The following TTC28 variants were observed in gnomAD, a reference collection of about 807,000 sequenced individuals.
TTC28 encodes tetratricopeptide repeat domain 28, also known as tetratricopeptide repeat protein 28.
A neutral mutation model predicts 198.0 loss-of-function variants in TTC28; 61 were observed. The observed-to-expected ratio is 0.31, with a 90% confidence interval of 0.25 to 0.38. TTC28 has a LOEUF of 0.38. TTC28 is among the 10% of genes least tolerant of loss of function. The probability of loss-of-function intolerance (pLI) is 1.00; values close to 1 mark genes in which losing one functional copy is unlikely to be tolerated. For synonymous variants in TTC28, 1,171 were observed against 1,297.8 expected (o/e 0.90, Z 2.10); for missense variants, 2,678 against 3,164.0 (o/e 0.85, Z 3.69).
At chr22:28,512,908 C>T (rs1328456906) in intron 2 of TTC28, among the ~76,000 whole-genome samples, 1 of 151,928 alleles carries the variant, frequency 6.6e-6, no homozygotes, top group South Asian at 2.1e-4. Flanking sequence ...CACGTGTACC[C>T]CTGAACTTCA....
At chr22:28,119,942 T>C (rs1942740403) in intron 6 of TTC28, among the ~76,000 whole-genome samples, 1 of 152,236 alleles carries the variant, frequency 6.6e-6, no homozygotes, top group African/African-American at 2.4e-5. Context: ...AAATCTCGTT[T>C]ACTGACTGAT....
intron 2 of TTC28, among the ~76,000 whole-genome samples, chr22:28,466,820 TACACACACAC>T (rs58512456): frequency 3.5e-5 from 5 of 143,810 alleles, no homozygotes; most frequent in South Asian, 2.3e-4. Flanking sequence ...TATACATACA[TACACACACAC>T]ACACACACAC....
At chr22:28,309,187 C>T (rs976696148) in intron 2 of TTC28, among the ~76,000 whole-genome samples, 1 of 152,096 alleles carries the variant, frequency 6.6e-6, no homozygotes, top group Non-Finnish European at 1.5e-5. Flanking sequence ...GGAAAAGAAT[C>T]TTAATAAGAA....
chr22:28,353,974 A>G (rs1217822657), intron 2 of TTC28, among the ~76,000 whole-genome samples: 1 of 152,186 alleles, frequency 6.6e-6, no homozygotes, highest in African/African-American at 2.4e-5. Flanking sequence ...CAAAACCATA[A>G]TAAGATATAG....
intron 13 of TTC28, among the ~76,000 whole-genome samples, chr22:28,020,953 C>T (rs1409758835): frequency 6.6e-6 from 1 of 152,178 alleles, no homozygotes; most frequent in Non-Finnish European, 1.5e-5. Flanking sequence ...TTCTGCGAGG[C>T]AGGCTCTCAC....
At chr22:28,345,277 T>TA (rs2045887864) in intron 2 of TTC28, among the ~76,000 whole-genome samples, 1 of 152,142 alleles carries the variant, frequency 6.6e-6, no homozygotes, top group Admixed American at 6.5e-5. Flanking sequence ...TTCTAGTTAA[T>TA]AGAACATCCA....
intron 1 of TTC28, among the ~76,000 whole-genome samples, chr22:28,645,730 TAAAC>T (rs1193454059): frequency 6.6e-6 from 1 of 150,940 alleles, no homozygotes; most frequent in African/African-American, 2.4e-5. Flanking sequence ...ACTCATGACA[TAAAC>T]AAAATTAAAA....
At chr22:28,472,550 G>GTA (rs60610923) in intron 2 of TTC28, among the ~76,000 whole-genome samples, 1 of 100,392 alleles carries the variant, frequency 1.0e-5, no homozygotes, top group African/African-American at 4.1e-5. Context: ...AAGAAAATGT[G>GTA]TATGTGTGTG....
At chr22:28,644,092 A>C (rs370168184) in intron 1 of TTC28, among the ~76,000 whole-genome samples, 18 of 152,200 alleles carry the variant, frequency 1.2e-4, no homozygotes, top group African/African-American at 3.6e-4. Context: ...AATTATTTGA[A>C]TATCTACTAT....
chr22:28,597,007 A>G (rs2050552968), intron 2 of TTC28, among the ~76,000 whole-genome samples: 1 of 152,214 alleles, frequency 6.6e-6, no homozygotes, highest in Non-Finnish European at 1.5e-5. Context: ...GGGAGGATAT[A>G]GGTACCACAG....
At chr22:28,140,623 T>C (rs1943308851) in intron 6 of TTC28, among the ~76,000 whole-genome samples, 1 of 152,228 alleles carries the variant, frequency 6.6e-6, no homozygotes, top group Non-Finnish European at 1.5e-5. Context: ...CATGGGACTG[T>C]GGGCATTTCA....
chr22:28,415,688 GA>G (rs1217434914), intron 2 of TTC28, among the ~76,000 whole-genome samples: 5 of 152,138 alleles, frequency 3.3e-5, no homozygotes, highest in Non-Finnish European at 7.4e-5. Flanking sequence ...GTACATAATG[GA>G]TACACAGCAG....
At chr22:28,552,306 CA>C (rs1827663430) in intron 2 of TTC28, among the ~76,000 whole-genome samples, 2 of 152,070 alleles carry the variant, frequency 1.3e-5, no homozygotes, top group South Asian at 4.1e-4. Context: ...ACCATCTTGC[CA>C]AGAGCAATCT....
At chr22:28,531,698 T>C (rs1441243116) in intron 2 of TTC28, among the ~76,000 whole-genome samples, 3 of 152,198 alleles carry the variant, frequency 2.0e-5, no homozygotes, top group Non-Finnish European at 4.4e-5. Flanking sequence ...ACAGAAATTA[T>C]AACAAATTGT....
At chr22:28,249,135 C>G (rs771655138) in intron 5 of TTC28, among the ~76,000 whole-genome samples, 2 of 151,986 alleles carry the variant, frequency 1.3e-5, no homozygotes, top group Non-Finnish European at 2.9e-5. Flanking sequence ...CAGAATAACC[C>G]AGAGGTCGAG....
intron 13 of TTC28, among the ~76,000 whole-genome samples, chr22:28,026,824 T>C (rs950133655): frequency 2.6e-5 from 4 of 152,326 alleles, no homozygotes; most frequent in East Asian, 1.9e-4. Context: ...CCTCTCCACA[T>C]TGTGTCACAC....
intron 2 of TTC28, among the ~76,000 whole-genome samples, chr22:28,408,872 G>C (rs2047038907): frequency 6.6e-6 from 1 of 152,240 alleles, no homozygotes; most frequent in Non-Finnish European, 1.5e-5. Flanking sequence ...ATGTAGGACA[G>C]ATGGTACAGT....
intron 6 of TTC28, among the ~76,000 whole-genome samples, chr22:28,154,082 C>G (rs1392435399): frequency 6.6e-6 from 1 of 152,132 alleles, no homozygotes; most frequent in Non-Finnish European, 1.5e-5. Flanking sequence ...AATTGCAGTT[C>G]ATCCTAAAGT....
rs1427925941 is a variant in TTC28 at position 28,578,014 on chromosome 22, T to C, written c.381+51538A>G. ...TACTCCTGCTATTTTATGTGTTTTC[T>C]GGTTGTTTTGTGGTCTTCTCTTCCT... On this transcript the variant is annotated intron_variant, in intron 2 of 22. Transcript: ENST00000397906. Among the ~76,000 whole-genome samples the C allele has an allele frequency of 3.9e-5, 6 of 152,266 alleles. No individual in the cohort carries two copies. The East Asian group carries it at 7.7e-4, about 20-fold the overall frequency.
Sources: gnomAD v4.1 joint callset for allele counts (sites outside exome capture counted in the v4.1 genomes callset) on GRCh38, gnomAD v4.1.1 for gene constraint, MANE v1.5 for transcripts, NCBI Gene and HGNC (gene_info 2026-07-23, HGNC 2026-07-21) for gene names.